The following HIVEP2 variants were observed in gnomAD, a reference collection of about 807,000 sequenced individuals.
HIVEP2 encodes the protein HIVEP zinc finger 2.
A neutral mutation model predicts 180.7 loss-of-function variants in HIVEP2; 14 were observed. That is an observed-to-expected ratio of 0.08 (90% CI 0.05 to 0.12). The LOEUF (loss-of-function observed/expected upper bound fraction) is 0.12. HIVEP2 is among the 10% of genes least tolerant of loss of function. HIVEP2 has a pLI of 1.00. For missense variants in HIVEP2, 2,579 were observed against 3,008.5 expected (o/e 0.86, Z 3.34); for synonymous variants, 1,184 against 1,136.4 (o/e 1.04, Z -0.84).
chr6:142,759,453 A>C (rs1437981494), intron 9 of HIVEP2, among the ~76,000 whole-genome samples: 1 of 152,166 alleles, frequency 6.6e-6, no homozygotes, highest in East Asian at 1.9e-4. Context: ...TGGCATTCTA[A>C]AGGTTCATCT....
At chr6:142,798,616 C>T (rs1776334275) in intron 2 of HIVEP2, among the ~76,000 whole-genome samples, 1 of 152,062 alleles carries the variant, frequency 6.6e-6, no homozygotes, top group Non-Finnish European at 1.5e-5. Context: ...CCTAACCTAC[C>T]CTCTCAAAAT....
chr6:142,833,105 G>T (rs1775135558), intron 2 of HIVEP2, among the ~76,000 whole-genome samples: 1 of 152,130 alleles, frequency 6.6e-6, no homozygotes, highest in Admixed American at 6.5e-5. Flanking sequence ...GCCAAAAATG[G>T]GAGAAACAGA....
chr6:142,755,001 AAGAT>A (rs1049946842), intron 9 of HIVEP2, among the ~76,000 whole-genome samples: 1 of 152,330 alleles, frequency 6.6e-6, no homozygotes, highest in South Asian at 2.1e-4. Context: ...TTGAGAACCA[AAGAT>A]AGATAGATAG....
intron 1 of HIVEP2, among the ~76,000 whole-genome samples, chr6:142,850,493 A>T (rs955032062): frequency 1.3e-5 from 2 of 152,252 alleles, no homozygotes; most frequent in African/African-American, 2.4e-5. Context: ...CTTTGACCAT[A>T]TAATTTTCAA....
chr6:142,766,226 C>T (rs377756570), intron 6 of HIVEP2, among the ~76,000 whole-genome samples: 8 of 152,308 alleles, frequency 5.3e-5, no homozygotes, highest in African/African-American at 2.4e-5. Flanking sequence ...CTAATCTTAA[C>T]GTTATCTACT....
At chr6:142,809,740 C>T (rs1244602768) in intron 2 of HIVEP2, among the ~76,000 whole-genome samples, 1 of 151,912 alleles carries the variant, frequency 6.6e-6, no homozygotes, top group East Asian at 1.9e-4. Context: ...ATTACAGGTG[C>T]CCACCACCAT....
At chr6:142,936,848 T>A (rs1406532667) in intron 1 of HIVEP2, among the ~76,000 whole-genome samples, 2 of 151,978 alleles carry the variant, frequency 1.3e-5, no homozygotes, top group Non-Finnish European at 2.9e-5. Flanking sequence ...TTTTTTACTA[T>A]TTTTGTCTAT....
chr6:142,796,102 A>G (rs549200507), intron 2 of HIVEP2, among the ~76,000 whole-genome samples: 1 of 152,280 alleles, frequency 6.6e-6, no homozygotes, highest in African/African-American at 2.4e-5. Context: ...ATACTAATGA[A>G]CAAAGCAGTT....
intron 6 of HIVEP2, 54 bp downstream of exon 6, chr6:142,768,328 C>T: frequency 2.0e-6 from 3 of 1,514,754 alleles, no homozygotes; most frequent in Non-Finnish European, 2.7e-6. Flanking sequence ...ACATTCTGGA[C>T]CATTTACTCT....
intron 1 of HIVEP2, among the ~76,000 whole-genome samples, chr6:142,869,359 T>G (rs552663465): frequency 6.6e-6 from 1 of 152,316 alleles, no homozygotes; most frequent in South Asian, 2.1e-4. Flanking sequence ...TTTTATTCCA[T>G]AAAAACAAAT....
At chr6:142,928,849 T>G (rs1582973343) in intron 1 of HIVEP2, among the ~76,000 whole-genome samples, 1 of 152,204 alleles carries the variant, frequency 6.6e-6, no homozygotes, top group African/African-American at 2.4e-5. Flanking sequence ...AACCACTTCT[T>G]TACTTCCCAG....
chr6:142,774,006 C>A lies in HIVEP2; in HGVS notation c.733G>T (p.Ala245Ser). 6.2e-7 allele frequency: 1 copy of A among 1,614,206 alleles called. No individual in the cohort carries two copies. The highest frequency in any genetic ancestry group is 8.5e-7 in the Non-Finnish European group (1 of 1,180,038). ...GACTCTGTGAAAGGTACTAATCCTGCCTTAATTGCATGGGCATGTGACTTC... is the reference window on the plus strand; with the variant it reads ...GACTCTGTGAAAGGTACTAATCCTGACTTAATTGCATGGGCATGTGACTTC... The part of the protein sequence containing the change: ...HRKSHAHAIK[A>S]GLVPFTESAV... Residue 245 changes from alanine (A) to serine (S), a missense_variant, in exon 5 of 10, where the codon GCA becomes TCA. This residue lies in a region of HIVEP2 where 142 missense variants were observed against 135.2 expected (regional missense o/e 1.05). Coordinates refer to ENST00000367603, the MANE Select transcript of HIVEP2 (RefSeq NM_006734.4). This position sits in a 1 kb window ranked among gnomAD's most constrained non-coding sequence, Gnocchi z 5.1.
At chr6:142,833,036 C>T (rs1466728530) in intron 2 of HIVEP2, among the ~76,000 whole-genome samples, 1 of 152,176 alleles carries the variant, frequency 6.6e-6, no homozygotes, top group Non-Finnish European at 1.5e-5. Flanking sequence ...CCACAACGCT[C>T]CAACATTTGA....
rs990790328 is a variant in HIVEP2 at position 142,865,636 on chromosome 6, G to A, written c.-640-28589C>T. 9.2e-5 allele frequency among the ~76,000 whole-genome samples: 14 copies of A among 152,086 alleles called. No homozygotes were observed. In the East Asian group the frequency reaches 2.5e-3, roughly 27 times the overall value. On this transcript the variant is annotated intron_variant, in intron 1 of 9. Transcript: ENST00000367603. ...ATGACATTTTAATTACTTTTTTAAT[G>A]TGCACACTTAAAAGATTTATAAACA...
chr6:142,787,247 A>AAAAT (rs3057576), intron 2 of HIVEP2, among the ~76,000 whole-genome samples: 24 of 150,752 alleles, frequency 1.6e-4, no homozygotes, highest in Admixed American at 4.6e-4. Flanking sequence ...CCCCGTCTCA[A>AAAAT]AAATAAATAA....
intron 1 of HIVEP2, among the ~76,000 whole-genome samples, chr6:142,837,792 C>G (rs968946092): frequency 2.6e-5 from 4 of 151,866 alleles, no homozygotes; most frequent in Admixed American, 2.6e-4. Context: ...AGAGAGAGAG[C>G]CTAAAATGAA....
At chr6:142,890,141 A>G (rs1776819481) in intron 1 of HIVEP2, among the ~76,000 whole-genome samples, 1 of 152,210 alleles carries the variant, frequency 6.6e-6, no homozygotes, top group South Asian at 2.1e-4. Context: ...CTGTTAAAGA[A>G]ATCAGACCTA....
intron 1 of HIVEP2, among the ~76,000 whole-genome samples, chr6:142,872,902 G>A (rs1169090665): frequency 1.3e-5 from 2 of 152,110 alleles, no homozygotes; most frequent in Non-Finnish European, 2.9e-5. Context: ...CTTTTTGACT[G>A]ATTTGACTAT....
intron 2 of HIVEP2, among the ~76,000 whole-genome samples, chr6:142,810,323 TC>T (rs1204349767): frequency 6.6e-6 from 1 of 152,224 alleles, no homozygotes; most frequent in Non-Finnish European, 1.5e-5. Flanking sequence ...ACAAAATCAA[TC>T]TTAAGAATTT....
Sources: allele counts gnomAD v4.1 joint callset (sites outside exome capture counted in the v4.1 genomes callset), GRCh38; gene constraint gnomAD v4.1.1; regional missense constraint gnomAD v4.1.1; non-coding constraint Gnocchi (gnomAD v3.1); transcripts MANE v1.5; gene names NCBI Gene and HGNC (gene_info 2026-07-23, HGNC 2026-07-21).